The following TRPM3 variants were observed in gnomAD, a reference collection of about 807,000 sequenced individuals.
TRPM3 encodes long transient receptor potential channel 3.
TRPM3 carries 77 observed loss-of-function variants against 181.2 expected under a neutral mutation model. That is an observed-to-expected ratio of 0.42 (90% confidence interval 0.35 to 0.51). The LOEUF is 0.51. Among genes scored for constraint, TRPM3 ranks in the 20% least tolerant of loss-of-function variants. The pLI, the probability that TRPM3 is intolerant of heterozygous loss-of-function variation, is 0.01. For synonymous variants in TRPM3, 745 were observed against 796.4 expected (o/e 0.94, Z 1.09); for missense variants, 1,759 against 2,196.7 (o/e 0.80, Z 3.98).
intron 1 of TRPM3, among the ~76,000 whole-genome samples, chr9:71,041,584 G>A (rs2058828233): frequency 6.6e-6 from 1 of 152,214 alleles, no homozygotes; most frequent in Admixed American, 6.5e-5. Flanking sequence ...GAAAAAGGCT[G>A]TTATTTCCCA....
intron 22 of TRPM3, among the ~76,000 whole-genome samples, chr9:70,561,470 T>C (rs1324331818): frequency 2.0e-5 from 3 of 152,160 alleles, no homozygotes; most frequent in Non-Finnish European, 2.9e-5. Flanking sequence ...GTTTTCTCTG[T>C]GGAAACATGA....
intron 1 of TRPM3, among the ~76,000 whole-genome samples, chr9:71,170,223 C>T (rs1361758298): frequency 1.3e-5 from 2 of 151,820 alleles, no homozygotes; most frequent in African/African-American, 2.4e-5. Flanking sequence ...GGCCAATGAA[C>T]TAAGTTACAG....
chr9:71,105,171 C>T (rs146781976), intron 1 of TRPM3, among the ~76,000 whole-genome samples: 144 of 152,232 alleles, frequency 9.5e-4, no homozygotes, highest in African/African-American at 2.6e-3. Flanking sequence ...ATTTTAGGAG[C>T]TTGTTGAGTG....
chr9:70,616,131 G>C lies in TRPM3; in HGVS notation c.2359-56C>G, dbSNP rs878859810. ...TCACATTTAAAGGATTAAGATTAGG[G>C]TGGTTGTTTAGAATCAGAGAGCCTG... On this transcript the variant is annotated intron_variant, in intron 17 of 25. Coordinates refer to ENST00000677713, the MANE Select transcript of TRPM3 (RefSeq NM_001366145.2). 5 of 1,397,908 alleles carry C rather than the reference G, an allele frequency of 3.6e-6. No individual in the cohort carries two copies. In the South Asian group the frequency reaches 7.3e-5, roughly 20 times the overall value. The allele number at this position is 1,397,908 out of a possible 1,614,324, so 86.6% of individuals were successfully genotyped here.
At chr9:70,585,056 C>T (rs1204786320) in intron 22 of TRPM3, among the ~76,000 whole-genome samples, 1 of 152,230 alleles carries the variant, frequency 6.6e-6, no homozygotes, top group African/African-American at 2.4e-5. Flanking sequence ...CAGAGCTCTA[C>T]TGCATTGTGC....
chr9:70,568,575 T>C (rs1280433052), intron 22 of TRPM3, among the ~76,000 whole-genome samples: 1 of 152,226 alleles, frequency 6.6e-6, no homozygotes, highest in Non-Finnish European at 1.5e-5. Context: ...GCTTTGTAAA[T>C]TTCAACTCAT....
intron 1 of TRPM3, among the ~76,000 whole-genome samples, chr9:70,903,795 TAA>T (rs2096420952): frequency 1.3e-5 from 2 of 152,144 alleles, no homozygotes; most frequent in Non-Finnish European, 1.5e-5. Flanking sequence ...TCCTCATATA[TAA>T]GAGATGTACA....
At chr9:70,814,708 A>G (rs1260271089) in intron 6 of TRPM3, among the ~76,000 whole-genome samples, 1 of 152,160 alleles carries the variant, frequency 6.6e-6, no homozygotes, top group Admixed American at 6.5e-5. Flanking sequence ...GCCAGAAGTA[A>G]GCAAGAGAAA....
At chr9:70,595,182 A>T (rs1234282862) in intron 21 of TRPM3, among the ~76,000 whole-genome samples, 1 of 152,210 alleles carries the variant, frequency 6.6e-6, no homozygotes, top group African/African-American at 2.4e-5. Flanking sequence ...CATTAGCATG[A>T]CTTCAGTTAT....
At chr9:70,759,722 C>G (rs972461372) in intron 8 of TRPM3, among the ~76,000 whole-genome samples, 2 of 152,072 alleles carry the variant, frequency 1.3e-5, no homozygotes, top group African/African-American at 2.4e-5. Flanking sequence ...TCTCAGCAAA[C>G]AAACACAAGA....
intron 24 of TRPM3, among the ~76,000 whole-genome samples, chr9:70,550,661 C>A (rs180893472): frequency 2.0e-5 from 3 of 152,242 alleles, no homozygotes; most frequent in African/African-American, 7.2e-5. Context: ...TCTTCTAATC[C>A]CATGCCCTCG....
In TRPM3 at chr9:70,537,252, C is replaced by T. The variant is rs964327501; in HGVS notation, c.3861G>A (p.Arg1287=). Residue 1287 remains arginine (R), a synonymous_variant, in exon 26 of 26, where the codon CGG becomes CGA. Transcript: ENST00000677713. The part of the protein sequence containing the change: ...TALERLTGLE[R]AESNKIRSRT... Reference sequence around the variant, plus strand: ...TCGAGCGGATTTTGTTGGACTCGGCCCGCTCCAGACCTGTCAGGCGCTCCA... The same window carrying T: ...TCGAGCGGATTTTGTTGGACTCGGCTCGCTCCAGACCTGTCAGGCGCTCCA... 5.0e-6 allele frequency: 8 copies of T among 1,590,948 alleles called. No homozygotes were observed. The African/African-American group carries it at 6.7e-5, about 13-fold the overall frequency.
intron 1 of TRPM3, among the ~76,000 whole-genome samples, chr9:71,389,001 T>C (rs1020238012): frequency 2.6e-4 from 40 of 151,942 alleles, no homozygotes; most frequent in African/African-American, 8.0e-4. Flanking sequence ...TGTTACATGA[T>C]AAAAAGAAGA....
intron 1 of TRPM3, among the ~76,000 whole-genome samples, chr9:71,032,628 T>G (rs1251605163): frequency 6.6e-6 from 1 of 152,164 alleles, no homozygotes; most frequent in South Asian, 2.1e-4. Flanking sequence ...TAAACACACA[T>G]CTAAGTTTTA....
At chr9:71,264,311 A>T (rs948051379) in intron 1 of TRPM3, among the ~76,000 whole-genome samples, 4 of 152,174 alleles carry the variant, frequency 2.6e-5, no homozygotes, top group African/African-American at 9.7e-5. Context: ...TCATATTGAC[A>T]AAAGCAGATC....
intron 9 of TRPM3, among the ~76,000 whole-genome samples, chr9:70,667,802 C>T (rs932498352): frequency 3.9e-5 from 6 of 152,170 alleles, no homozygotes; most frequent in African/African-American, 1.2e-4. Context: ...TTATCTGCTT[C>T]TCATCTTCCA....
chr9:71,336,692 AC>A (rs1303987720), intron 1 of TRPM3, among the ~76,000 whole-genome samples: 1 of 152,206 alleles, frequency 6.6e-6, no homozygotes, highest in African/African-American at 2.4e-5. Flanking sequence ...ACACTACCTG[AC>A]TTCAAACTAT....
chr9:71,197,059 C>A (rs529151227), intron 1 of TRPM3, among the ~76,000 whole-genome samples: 1 of 152,072 alleles, frequency 6.6e-6, no homozygotes, highest in African/African-American at 2.4e-5. Context: ...TGTGATGTTC[C>A]CCTTCCTGTG....
chr9:71,010,096 G>C (rs1009334482), intron 1 of TRPM3, among the ~76,000 whole-genome samples: 31 of 152,020 alleles, frequency 2.0e-4, no homozygotes, highest in African/African-American at 7.0e-4. Flanking sequence ...TGTAGAGAAG[G>C]CTTAAATAAA....
Sources: allele counts gnomAD v4.1 joint callset (sites outside exome capture counted in the v4.1 genomes callset), GRCh38; gene constraint gnomAD v4.1.1; transcripts MANE v1.5; gene names NCBI Gene and HGNC (gene_info 2026-07-23, HGNC 2026-07-21).